Variants in WWOX observed in about 807,000 individuals in gnomAD.
The protein encoded by WWOX is WW domain-containing oxidoreductase.
Under a neutral mutation model 46.2 loss-of-function variants are expected in WWOX, and 69 were observed. That is an observed-to-expected ratio of 1.49 (90% confidence interval 1.23 to 1.82). The LOEUF is 1.82. Ranked by LOEUF, WWOX falls within the 40% of genes most tolerant of loss-of-function variation. The pLI, the probability that WWOX is intolerant of heterozygous loss-of-function variation, is 0.00. For synonymous variants in WWOX, 359 were observed against 202.6 expected, an observed-to-expected ratio of 1.77 and a Z score of -6.56; for missense variants, 919 against 542.6, an observed-to-expected ratio of 1.69 and a Z score of -6.89.
intron 8 of WWOX, among the ~76,000 whole-genome samples, chr16:79,094,899 C>T (rs966025085): frequency 4.6e-5 from 7 of 152,132 alleles, no homozygotes; most frequent in African/African-American, 1.7e-4. Flanking sequence ...CAAACCAGAT[C>T]AGCGTCGTGG....
intron 4 of WWOX, among the ~76,000 whole-genome samples, chr16:78,137,123 G>A (rs1195647665): frequency 1.3e-5 from 2 of 152,186 alleles, no homozygotes; most frequent in Non-Finnish European, 2.9e-5. Context: ...TAACGCAAAT[G>A]GAGATCCCTT....
chr16:78,996,315 T>A, intron 8 of WWOX: 1 of 985,048 alleles, frequency 1.0e-6, no homozygotes, highest in Non-Finnish European at 1.2e-6. Context: ...GTGGATGTTT[T>A]TCTACCGTGA....
chr16:78,196,775 C>G (rs887963653), intron 5 of WWOX, among the ~76,000 whole-genome samples: 1 of 152,094 alleles, frequency 6.6e-6, no homozygotes, highest in Admixed American at 6.5e-5. Flanking sequence ...AATTTCATTG[C>G]CTGCATTGTA....
Position 78,669,027 on chromosome 16 carries a change from C to G in WWOX, c.1056+236275C>G, listed in dbSNP as rs142391764. ...TGAGGTTGACCTTCAGAACGGCTTC[C>G]TGAATAATACAGAAGTGACCCTCCA... On this transcript the variant is annotated intron_variant, in intron 8 of 8. Transcript: ENST00000566780. 3.9e-5 allele frequency among the ~76,000 whole-genome samples: 6 copies of G among 152,264 alleles called. No homozygotes were observed. The East Asian group carries it at 9.6e-4, about 24-fold the overall frequency.
intron 6 of WWOX, among the ~76,000 whole-genome samples, chr16:78,423,759 T>G (rs900579474): frequency 6.6e-6 from 1 of 151,274 alleles, no homozygotes; most frequent in African/African-American, 2.4e-5. Flanking sequence ...GGTGGAAGGA[T>G]CGTCTGAGCC....
intron 8 of WWOX, among the ~76,000 whole-genome samples, chr16:78,728,216 CACTA>C (rs1430357981): frequency 6.6e-6 from 1 of 151,584 alleles, no homozygotes; most frequent in Non-Finnish European, 1.5e-5. Context: ...GGACACATGC[CACTA>C]CACCTAGTTG....
intron 4 of WWOX, chr16:78,123,887 T>C (rs904719295): frequency 2.6e-5 from 4 of 152,188 alleles, no homozygotes; most frequent in African/African-American, 9.7e-5. Flanking sequence ...CGTGTCCTTT[T>C]GGGCTCAGTA....
chr16:79,104,660 A>C (rs1369093072), intron 8 of WWOX, among the ~76,000 whole-genome samples: 4 of 152,196 alleles, frequency 2.6e-5, no homozygotes, highest in African/African-American at 9.6e-5. Flanking sequence ...CTTGCATTTA[A>C]AAATGCAGGT....
At chr16:79,157,526 C>A (rs928838102) in intron 8 of WWOX, among the ~76,000 whole-genome samples, 2 of 151,990 alleles carry the variant, frequency 1.3e-5, no homozygotes, top group Non-Finnish European at 2.9e-5. Flanking sequence ...ATCTCTAAGG[C>A]ATTTGGCATG....
intron 8 of WWOX, among the ~76,000 whole-genome samples, chr16:78,889,978 ATC>A (rs761599720): frequency 1.1e-4 from 16 of 152,040 alleles, no homozygotes; most frequent in South Asian, 2.1e-4. Context: ...CAGAAAATGA[ATC>A]TCTGTTTTTT....
intron 8 of WWOX, among the ~76,000 whole-genome samples, chr16:78,914,749 G>A (rs2045203337): frequency 6.6e-6 from 1 of 151,918 alleles, no homozygotes; most frequent in Admixed American, 6.6e-5. Context: ...CATGCTGGCA[G>A]GCGCCTGTAG....
At chr16:79,191,231 A>T in intron 8 of WWOX, among the ~76,000 whole-genome samples, 1 of 151,196 alleles carries the variant, frequency 6.6e-6, no homozygotes, top group East Asian at 2.0e-4. Flanking sequence ...TTTTTTTTGT[A>T]TTTTAGCAGA....
In WWOX at chr16:78,864,754, C is replaced by CTTT. The variant is rs57606576; in HGVS notation, c.1057-346828_1057-346826dup. Among the ~76,000 whole-genome samples, 44 of 87,162 alleles carry CTTT rather than the reference C, an allele frequency of 5.0e-4. 4 individuals are homozygous for CTTT. The highest frequency in any genetic ancestry group is 1.7e-3 in the East Asian group (6 of 3,436). 57.2% of individuals were successfully genotyped at this position (87,162 alleles called of 152,430 possible). On this transcript the variant is annotated intron_variant, in intron 8 of 8. Coordinates refer to ENST00000566780, the MANE Select transcript of WWOX (RefSeq NM_016373.4). ...CTGTGTGGCTATTTTTCTCCAACTC[C>CTTT]TTTTTTTTTTTTTTTTTTTTTTTTT...
chr16:79,145,639 T>C (rs899820956), intron 8 of WWOX, among the ~76,000 whole-genome samples: 15 of 152,208 alleles, frequency 9.9e-5, no homozygotes, highest in Non-Finnish European at 2.1e-4. Context: ...AAAAAAAGTC[T>C]TAAGTAATGG....
At chr16:78,912,420 A>G (rs1337814075) in intron 8 of WWOX, among the ~76,000 whole-genome samples, 3 of 151,916 alleles carry the variant, frequency 2.0e-5, no homozygotes, top group African/African-American at 4.8e-5. Flanking sequence ...GGGTCACACA[A>G]TTAGTAGATG....
rs1420602362 is a variant in WWOX, at chr16:78,652,426, AAAAAAG to A, written c.1056+219687_1056+219692del. On this transcript the variant is annotated intron_variant, in intron 8 of 8. Coordinates refer to ENST00000566780, the MANE Select transcript of WWOX (RefSeq NM_016373.4). Reference sequence around the variant, plus strand: ...TCCGTCTCAAAAAAAAAAAAAAAAAAAAAAAGAAAAAGAAAAAGGTGTTTGGAAGCC... The same window carrying A: ...TCCGTCTCAAAAAAAAAAAAAAAAAAAAAAAGAAAAAGGTGTTTGGAAGCC... Among the ~76,000 whole-genome samples the A allele has an allele frequency of 6.5e-3, 853 of 130,820 alleles. 2 individuals are homozygous for A. The highest frequency in any genetic ancestry group is 0.014 in the Middle Eastern group (3 of 222). The allele number at this position is 130,820 out of a possible 152,430, so 85.8% of individuals were successfully genotyped here.
intron 8 of WWOX, among the ~76,000 whole-genome samples, chr16:79,036,603 C>T (rs1273720300): frequency 6.6e-6 from 1 of 152,188 alleles, no homozygotes; most frequent in Non-Finnish European, 1.5e-5. Context: ...ATCTGTCCTT[C>T]TATGAAAGGC....
Position 78,597,278 on chromosome 16 carries a change from C to T in WWOX, c.1056+164526C>T, listed in dbSNP as rs2045513569. 2.0e-5 allele frequency among the ~76,000 whole-genome samples: 3 copies of T among 152,154 alleles called. 1 individual carries two copies. Among genetic ancestry groups the T allele is most frequent in the African/African-American group, 7.2e-5 (3 of 41,430 alleles). On this transcript the variant is annotated intron_variant, in intron 8 of 8. Transcript: ENST00000566780. Reference sequence around the variant, plus strand: ...TTCCTTCATATATTAATCAAGGAGTCAGTCAATCAATTAAACGGATACTAT... The same window carrying T: ...TTCCTTCATATATTAATCAAGGAGTTAGTCAATCAATTAAACGGATACTAT...
chr16:78,926,788 G>GT (rs942676811), intron 8 of WWOX, among the ~76,000 whole-genome samples: 1 of 151,928 alleles, frequency 6.6e-6, no homozygotes, highest in Non-Finnish European at 1.5e-5. Context: ...GTGCCAGTTT[G>GT]TTTTTTTGTT....
Sources: allele counts gnomAD v4.1 joint callset (sites outside exome capture counted in the v4.1 genomes callset), GRCh38; gene constraint gnomAD v4.1.1; transcripts MANE v1.5; gene names NCBI Gene and HGNC (gene_info 2026-07-23, HGNC 2026-07-21).